The following EEF1AKMT1 variants were observed in gnomAD, a reference collection of about 807,000 sequenced individuals.
EEF1AKMT1 encodes the protein EEF1A lysine methyltransferase 1.
Under a neutral mutation model 21.0 loss-of-function variants are expected in EEF1AKMT1, and 18 were observed. That is an observed-to-expected ratio of 0.86 (90% confidence interval 0.59 to 1.27). EEF1AKMT1 has a LOEUF of 1.27. Ranked by LOEUF, EEF1AKMT1 falls within the 50% of genes most tolerant of loss-of-function variation. The pLI is 0.00. For missense variants in EEF1AKMT1, 246 were observed against 258.6 expected, an observed-to-expected ratio of 0.95 and a Z score of 0.33; for synonymous variants, 109 against 94.8, an observed-to-expected ratio of 1.15 and a Z score of -0.87.
chr13:20,733,848 G>A (rs552490754), intron 3 of EEF1AKMT1, among the ~76,000 whole-genome samples: 4 of 152,264 alleles, frequency 2.6e-5, no homozygotes, highest in South Asian at 2.1e-4. Flanking sequence ...TAAAAATTAC[G>A]CTCAGCTTTA....
At chr13:20,731,180 G>GT in intron 4 of EEF1AKMT1, among the ~76,000 whole-genome samples, 1 of 150,946 alleles carries the variant, frequency 6.6e-6, no homozygotes, top group Non-Finnish European at 1.5e-5. Flanking sequence ...CCTGGCTAAT[G>GT]TTTAAAATTT....
At chr13:20,764,522 G>C (rs1286941701) in intron 1 of EEF1AKMT1, among the ~76,000 whole-genome samples, 3 of 152,076 alleles carry the variant, frequency 2.0e-5, no homozygotes, top group Non-Finnish European at 4.4e-5. Context: ...GATCCTTTTG[G>C]TTAATGGTGT....
At chr13:20,731,709 C>T (rs1238762416) in intron 4 of EEF1AKMT1, 132 bp downstream of exon 4, 2 of 916,022 alleles carry the variant, frequency 2.2e-6, no homozygotes, top group Non-Finnish European at 3.3e-6. Flanking sequence ...ATAAGGAATC[C>T]AGGGCACAAA....
intron 1 of EEF1AKMT1, among the ~76,000 whole-genome samples, chr13:20,765,105 CAA>C (rs963438613): frequency 3.0e-4 from 45 of 151,788 alleles, no homozygotes; most frequent in Admixed American, 2.8e-3. Flanking sequence ...ACTAAAAATA[CAA>C]AAAACTAGCC....
chr13:20,731,099 C>T (rs537823052), intron 4 of EEF1AKMT1, among the ~76,000 whole-genome samples: 5 of 152,168 alleles, frequency 3.3e-5, no homozygotes, highest in African/African-American at 4.8e-5. Context: ...GACCAAGAAC[C>T]GATCAGAAGG....
chr13:20,728,925 C>G lies in EEF1AKMT1; in HGVS notation c.*155G>C, dbSNP rs2058774309. Reference sequence around the variant, plus strand: ...TCTAGGGACGCCCTCCCTAAGGAAACAATAATGAAGATCGCACACTTTATT... The same window carrying G: ...TCTAGGGACGCCCTCCCTAAGGAAAGAATAATGAAGATCGCACACTTTATT... On this transcript the variant is annotated 3_prime_UTR_variant, in exon 5 of 5. Transcript: ENST00000382758. 1.0e-6 allele frequency: 1 copy of G among 964,236 alleles called. No homozygotes were observed. The highest frequency in any genetic ancestry group is 1.6e-5 in the African/African-American group (1 of 61,122). 59.7% of individuals were successfully genotyped at this position (964,236 alleles called of 1,614,324 possible).
intron 4 of EEF1AKMT1, among the ~76,000 whole-genome samples, chr13:20,731,008 G>A (rs2058791315): frequency 6.6e-6 from 1 of 152,178 alleles, no homozygotes; most frequent in Admixed American, 6.5e-5. Context: ...AACCCACCAG[G>A]AAGAAAAAAC....
intron 1 of EEF1AKMT1, chr13:20,769,249 C>G (rs191798283): frequency 1.3e-5 from 2 of 152,384 alleles, no homozygotes; most frequent in African/African-American, 2.4e-5. Flanking sequence ...AGCAGCTTGG[C>G]TATGCACACA....
chr13:20,758,710 C>T (rs954741279), intron 1 of EEF1AKMT1, among the ~76,000 whole-genome samples: 2 of 151,860 alleles, frequency 1.3e-5, no homozygotes, highest in Admixed American at 6.6e-5. Context: ...GAATGAATAG[C>T]CAAAGCAATC....
chr13:20,734,635 T>C (rs1218406954), intron 3 of EEF1AKMT1, among the ~76,000 whole-genome samples: 1 of 151,756 alleles, frequency 6.6e-6, no homozygotes, highest in Non-Finnish European at 1.5e-5. Context: ...GCGCTCACGC[T>C]CAGGCTGGAG....
chr13:20,765,103 T>C (rs2059021186), intron 1 of EEF1AKMT1, among the ~76,000 whole-genome samples: 1 of 151,526 alleles, frequency 6.6e-6, no homozygotes, highest in African/African-American at 2.4e-5. Context: ...CTACTAAAAA[T>C]ACAAAAAACT....
At chr13:20,730,666 CT>C (rs1414947606) in intron 4 of EEF1AKMT1, among the ~76,000 whole-genome samples, 1 of 152,092 alleles carries the variant, frequency 6.6e-6, no homozygotes, top group Non-Finnish European at 1.5e-5. Context: ...ACTTGGAGAA[CT>C]TTTCTGTCTA....
intron 1 of EEF1AKMT1, among the ~76,000 whole-genome samples, chr13:20,765,979 A>T (rs142023877): frequency 6.6e-6 from 1 of 152,190 alleles, no homozygotes; most frequent in African/African-American, 2.4e-5. Context: ...TCAAGTAGGC[A>T]TATATGAAAA....
chr13:20,769,042 A>T (rs1441211346), intron 1 of EEF1AKMT1: 4 of 152,102 alleles, frequency 2.6e-5, no homozygotes, highest in African/African-American at 9.6e-5. Flanking sequence ...CTAGGTGGGG[A>T]TGTCCCCTGT....
chr13:20,755,003 C>T (rs2058964210), intron 2 of EEF1AKMT1, among the ~76,000 whole-genome samples: 1 of 152,138 alleles, frequency 6.6e-6, no homozygotes, highest in African/African-American at 2.4e-5. Context: ...CAGGTGGGAA[C>T]AGCAGTAGCT....
rs2058800078 is a variant in EEF1AKMT1, at chr13:20,732,007, C to T, written c.342G>A (p.Glu114=). ...YDKRFAMYGE[E]FIFYDYNNPL... is the part of the protein sequence containing the mutation. ...GATTATTGTAATCATAGAAAATAAA[C>T]TCCTCTCCATACATGGCAAATCTTT... Residue 114 remains glutamate, a synonymous_variant, in exon 4 of 5, where the codon GAG becomes GAA. Transcript: ENST00000382758. The T allele has an allele frequency of 1.2e-6, 2 of 1,613,930 alleles. No homozygotes were observed. Among genetic ancestry groups the T allele is most frequent in the Non-Finnish European group, 1.7e-6 (2 of 1,179,776 alleles).
At chr13:20,729,384 A>G (rs2058778591) in intron 4 of EEF1AKMT1, among the ~76,000 whole-genome samples, 168 bp from the exon 5 acceptor site, 1 of 151,928 alleles carries the variant, frequency 6.6e-6, no homozygotes. Flanking sequence ...ACCTTCTCCA[A>G]TATTTTTGCA....
chr13:20,732,180 C>T, intron 3 of EEF1AKMT1, 59 bp from the exon 4 acceptor site: 1 of 1,523,030 alleles, frequency 6.6e-7, no homozygotes, highest in Admixed American at 2.1e-5. Context: ...ACGGTGTTAA[C>T]AACTTCTTCA....
intron 3 of EEF1AKMT1, among the ~76,000 whole-genome samples, chr13:20,736,612 T>A (rs1009601971): frequency 9.2e-5 from 14 of 151,576 alleles, no homozygotes; most frequent in African/African-American, 1.2e-4. Context: ...GGGAATAGGG[T>A]TTTTTTAAAA....
Sources: gnomAD v4.1 joint callset for allele counts (sites outside exome capture counted in the v4.1 genomes callset) on GRCh38, gnomAD v4.1.1 for gene constraint, MANE v1.5 for transcripts, NCBI Gene and HGNC (gene_info 2026-07-23, HGNC 2026-07-21) for gene names.